The following PIEZO2 variants were observed in gnomAD, a reference collection of about 807,000 sequenced individuals.
PIEZO2 encodes the protein piezo-type mechanosensitive ion channel component 2.
PIEZO2 carries 172 observed loss-of-function variants against 337.3 expected under a neutral mutation model. That is an observed-to-expected ratio of 0.51 (90% CI 0.45 to 0.58). The LOEUF (loss-of-function observed/expected upper bound fraction) is 0.58. Among genes scored for constraint, PIEZO2 ranks in the 20% least tolerant of loss-of-function variants. The pLI, the probability that PIEZO2 is intolerant of heterozygous loss-of-function variation, is 0.00. For synonymous variants in PIEZO2, 1,251 were observed against 1,228.5 expected, an observed-to-expected ratio of 1.02 and a Z score of -0.38; for missense variants, 3,028 against 3,391.3, an observed-to-expected ratio of 0.89 and a Z score of 2.66.
chr18:10,687,808 A>C (rs942495478), intron 49 of PIEZO2, among the ~76,000 whole-genome samples: 2 of 152,172 alleles, frequency 1.3e-5, no homozygotes, highest in African/African-American at 2.4e-5. Flanking sequence ...GGCCTGGCTA[A>C]GAGCCAGATG....
chr18:10,742,717 G>A, intron 31 of PIEZO2, 102 bp from the exon 32 acceptor site: 1 of 1,256,820 alleles, frequency 8.0e-7, no homozygotes, highest in Non-Finnish European at 1.1e-6. Flanking sequence ...TAAATTCGTG[G>A]ACAAACTACT....
chr18:11,091,988 A>G (rs1267166805), intron 1 of PIEZO2, among the ~76,000 whole-genome samples: 4 of 152,198 alleles, frequency 2.6e-5, no homozygotes, highest in Non-Finnish European at 4.4e-5. Flanking sequence ...TGGTTTCCCC[A>G]CGCTATTAGT....
chr18:10,803,153 C>A (rs997777484), intron 9 of PIEZO2, among the ~76,000 whole-genome samples: 1 of 152,046 alleles, frequency 6.6e-6, no homozygotes, highest in Non-Finnish European at 1.5e-5. Context: ...TATCATGCAC[C>A]CCGACTGGAT....
At position 11,069,627 on chromosome 18, in the gene PIEZO2, G is replaced by C. The variant is rs577974433; in HGVS notation, c.65-3405C>G. ...TTAAGACCAGAATCAAGACAAGGAT[G>C]CCTACTCTTGACACTTCCATTCAAT... is the stretch of plus-strand genomic sequence containing the variant. On this transcript the variant is annotated intron_variant, in intron 1 of 55. Coordinates refer to ENST00000674853, the MANE Select transcript of PIEZO2 (RefSeq NM_001378183.1). The surrounding 1 kb of genome is among the most constrained non-coding windows in gnomAD (Gnocchi z 4.9). Among the ~76,000 whole-genome samples the C allele has an allele frequency of 6.6e-6, 1 of 152,332 alleles. No individual in the cohort carries two copies. Among genetic ancestry groups the C allele is most frequent in the East Asian group, 1.9e-4 (1 of 5,182 alleles).
intron 2 of PIEZO2, among the ~76,000 whole-genome samples, chr18:11,044,134 C>G (rs2037218259): frequency 6.7e-6 from 1 of 148,716 alleles, no homozygotes; most frequent in African/African-American, 2.5e-5. Context: ...GGAAAATTTT[C>G]TTTGTGTTTG....
At chr18:10,996,745 A>C (rs1181882478) in intron 2 of PIEZO2, among the ~76,000 whole-genome samples, 1 of 152,154 alleles carries the variant, frequency 6.6e-6, no homozygotes, top group African/African-American at 2.4e-5. Flanking sequence ...TTGTTTATAC[A>C]GTTTAGCTAC....
intron 1 of PIEZO2, among the ~76,000 whole-genome samples, chr18:11,114,237 G>A (rs1206343567): frequency 6.6e-6 from 1 of 152,186 alleles, no homozygotes; most frequent in African/African-American, 2.4e-5. Context: ...TGACACTCAA[G>A]ACTCTCAGAA....
intron 2 of PIEZO2, among the ~76,000 whole-genome samples, chr18:11,007,667 G>A (rs1189275748): frequency 6.6e-6 from 1 of 152,154 alleles, no homozygotes; most frequent in Non-Finnish European, 1.5e-5. Flanking sequence ...AAGAATTGAT[G>A]ACTAAAATCA....
chr18:10,752,926 C>T (rs2037701531), intron 27 of PIEZO2, 47 bp from the exon 28 acceptor site: 1 of 1,503,968 alleles, frequency 6.6e-7, no homozygotes. Flanking sequence ...ACAAAACAAA[C>T]AAAAGCAAAA....
intron 7 of PIEZO2, among the ~76,000 whole-genome samples, chr18:10,852,475 CTCTT>C (rs942908583): frequency 5.3e-5 from 8 of 152,302 alleles, no homozygotes; most frequent in African/African-American, 1.9e-4. Flanking sequence ...CTCTCTCTCT[CTCTT>C]TTTGTTAGCA....
rs954163462 is a variant in PIEZO2, at chr18:11,003,295, A to G, written c.161-23635T>C. Among the ~76,000 whole-genome samples the G allele has an allele frequency of 2.0e-5, 3 of 152,228 alleles. No homozygotes were observed. Among genetic ancestry groups the G allele is most frequent in the Non-Finnish European group, 4.4e-5 (3 of 68,044 alleles). ...TTGTTTTGTTTTGCCAATTCACTTA[A>G]CAAACCACAGTAAATCCTCACTTAT... On this transcript the variant is annotated intron_variant, in intron 2 of 55. Transcript: ENST00000674853. The surrounding 1 kb of genome is among the most constrained non-coding windows in gnomAD (Gnocchi z 4.6).
rs1425998548 is a variant in PIEZO2 at position 10,773,566 on chromosome 18, C to T, written c.2631G>A (p.Glu877=). 6.5e-7 allele frequency: 1 copy of T among 1,537,476 alleles called. No individual in the cohort carries two copies. The highest frequency in any genetic ancestry group is 8.7e-7 in the Non-Finnish European group (1 of 1,146,968). Residue 877 remains glutamate, a synonymous_variant, in exon 20 of 56, where the codon GAG becomes GAA. Transcript: ENST00000674853. This position sits in a 1 kb window ranked among gnomAD's most constrained non-coding sequence, Gnocchi z 5.3. ...CAGCCAACTTCCTCACCTCCGGCTT[C>T]TCCAGGCTGGCAGTCAGATGCATCA... ...LTMMHLTASL[E]KPEVRKLAEP...
chr18:11,003,458 T>A lies in PIEZO2; in HGVS notation c.161-23798A>T, dbSNP rs55928970. On this transcript the variant is annotated intron_variant, in intron 2 of 55. Coordinates refer to ENST00000674853, the MANE Select transcript of PIEZO2 (RefSeq NM_001378183.1). The surrounding 1 kb of genome is among the most constrained non-coding windows in gnomAD (Gnocchi z 4.6). Reference sequence around the variant, plus strand: ...GGTCACAAAAACATCACCAAACTTCTAAATAAGGACAAAACACTTCTATAT... The same window carrying A: ...GGTCACAAAAACATCACCAAACTTCAAAATAAGGACAAAACACTTCTATAT... 0.066 allele frequency among the ~76,000 whole-genome samples: 9,979 copies of A among 152,318 alleles called. 429 individuals are homozygous for A. Among genetic ancestry groups the A allele is most frequent in the Non-Finnish European group, 0.092 (6,238 of 68,020 alleles).
At chr18:10,900,725 C>G (rs974154471) in intron 4 of PIEZO2, among the ~76,000 whole-genome samples, 1 of 152,182 alleles carries the variant, frequency 6.6e-6, no homozygotes, top group Non-Finnish European at 1.5e-5. Context: ...CACACACACA[C>G]TAGGCTGGGG....
chr18:11,054,904 G>A (rs527557274), intron 2 of PIEZO2, among the ~76,000 whole-genome samples: 30 of 152,232 alleles, frequency 2.0e-4, no homozygotes, highest in South Asian at 1.2e-3. Flanking sequence ...AAGCACTGGG[G>A]ACTGCTTAGC....
Position 11,137,282 on chromosome 18 carries a change from C to A in PIEZO2, c.64+11243G>T, listed in dbSNP as rs527323226. ...GCAGTTCCTAACCTTTCTTTGAGGG[C>A]AAGTCCTAAGTGTATGTACATACGA... On this transcript the variant is annotated intron_variant, in intron 1 of 55. Coordinates refer to ENST00000674853, the MANE Select transcript of PIEZO2 (RefSeq NM_001378183.1). Among the ~76,000 whole-genome samples the A allele has an allele frequency of 7.9e-5, 12 of 152,192 alleles. No individual in the cohort carries two copies. In the East Asian group the frequency reaches 2.1e-3, roughly 27 times the overall value.
chr18:11,131,046 C>A lies in PIEZO2; in HGVS notation c.64+17479G>T, dbSNP rs2040326158. On this transcript the variant is annotated intron_variant, in intron 1 of 55. Transcript: ENST00000674853. The surrounding 1 kb of genome is among the most constrained non-coding windows in gnomAD (Gnocchi z 5.3). ...TCTATAGGTGAATCACAGCAAAGGC[C>A]TCTAGGATTTTGGAGCAAGGCCCTG... Among the ~76,000 whole-genome samples, 1 of 152,158 alleles carries A rather than the reference C, an allele frequency of 6.6e-6. No individual in the cohort carries two copies. The highest frequency in any genetic ancestry group is 2.1e-4 in the South Asian group (1 of 4,830).
chr18:10,680,221 C>A lies in PIEZO2; in HGVS notation c.7930G>T (p.Val2644Phe), dbSNP rs188308955. The A allele has an allele frequency of 6.2e-7, 1 of 1,612,920 alleles. No homozygotes were observed. The highest frequency in any genetic ancestry group is 1.3e-5 in the African/African-American group (1 of 74,924). ...LLDPNSSFSV[V>F]FSWSIQRNLS... ...TACCTCTGAATACTCCATGAAAAAA[C>A]AACAGAGAAGCTACTATTGGGGTCC... The change falls in exon 52 of 56, where the codon GTT becomes TTT. Residue 2644 changes from valine (V) to phenylalanine (F), a missense_variant. Val to Phe is a conservative substitution (Grantham distance 50, BLOSUM62 -1). Coordinates refer to ENST00000674853, the MANE Select transcript of PIEZO2 (RefSeq NM_001378183.1).
intron 45 of PIEZO2, 112 bp from the exon 46 acceptor site, chr18:10,696,651 G>A (rs2035102855): frequency 1.6e-6 from 2 of 1,239,542 alleles, no homozygotes; most frequent in Non-Finnish European, 2.3e-6. Context: ...TTTCCAGTCA[G>A]GTCCCACCTT....
Sources: gnomAD v4.1 joint callset for allele counts (sites outside exome capture counted in the v4.1 genomes callset) on GRCh38, gnomAD v4.1.1 for gene constraint, Gnocchi (gnomAD v3.1) non-coding constraint, MANE v1.5 for transcripts, NCBI Gene and HGNC (gene_info 2026-07-23, HGNC 2026-07-21) for gene names.